SLC35F1: variants seen among roughly 807,000 people sequenced by gnomAD.
SLC35F1 encodes solute carrier family 35 member F1, also known as chromosome 6 open reading frame 169.
A neutral mutation model predicts 48.7 loss-of-function variants in SLC35F1; 14 were observed. The observed-to-expected ratio is 0.29, with a 90% CI of 0.19 to 0.45. SLC35F1 has a LOEUF of 0.45. Among genes scored for constraint, SLC35F1 ranks in the 20% least tolerant of loss-of-function variants. SLC35F1 has a pLI of 1.00. For missense variants in SLC35F1, 404 were observed against 500.0 expected (o/e 0.81, Z 1.83); for synonymous variants, 190 against 202.2 (o/e 0.94, Z 0.51).
At chr6:118,013,297 G>T (rs990097886) in intron 1 of SLC35F1, among the ~76,000 whole-genome samples, 2 of 152,172 alleles carry the variant, frequency 1.3e-5, no homozygotes, top group Non-Finnish European at 2.9e-5. Flanking sequence ...GACATTCTTG[G>T]TTGGGGAGGG....
At chr6:118,312,298 C>T (rs1468637069) in intron 7 of SLC35F1, among the ~76,000 whole-genome samples, 1 of 152,086 alleles carries the variant, frequency 6.6e-6, no homozygotes, top group South Asian at 2.1e-4. Flanking sequence ...ATTTCATTCA[C>T]CGAAGTTTAA....
chr6:118,069,038 G>T (rs1425366510), intron 1 of SLC35F1, among the ~76,000 whole-genome samples: 1 of 152,130 alleles, frequency 6.6e-6, no homozygotes, highest in Admixed American at 6.5e-5. Flanking sequence ...GAAATTTTTT[G>T]ACTCCCTGTG....
At position 117,987,817 on chromosome 6, in the gene SLC35F1, C is replaced by T. The variant is rs142514579; in HGVS notation, c.173+79918C>T. ...TATATGCCTGGCAATTTTTCTAAAA[C>T]ACATTATTTTATGTGTTTTTTAAAT... On this transcript the variant is annotated intron_variant, in intron 1 of 7. Coordinates refer to ENST00000360388, the MANE Select transcript of SLC35F1 (RefSeq NM_001029858.4). 8.0e-4 allele frequency among the ~76,000 whole-genome samples: 122 copies of T among 152,282 alleles called. No individual in the cohort carries two copies. The Middle Eastern group carries it at 0.01, about 13-fold the overall frequency.
chr6:118,287,698 C>T (rs898495208), intron 7 of SLC35F1, among the ~76,000 whole-genome samples: 1 of 152,168 alleles, frequency 6.6e-6, no homozygotes, highest in Non-Finnish European at 1.5e-5. Context: ...TGTACTCGAA[C>T]AGTGCCTGTT....
At chr6:118,115,692 C>T (rs1296840782) in intron 1 of SLC35F1, among the ~76,000 whole-genome samples, 1 of 152,148 alleles carries the variant, frequency 6.6e-6, no homozygotes, top group Non-Finnish European at 1.5e-5. Context: ...GCATTTTACC[C>T]AGGTGCCACA....
intron 1 of SLC35F1, among the ~76,000 whole-genome samples, chr6:118,000,003 C>T (rs1203302695): frequency 2.4e-4 from 37 of 151,148 alleles, no homozygotes; most frequent in African/African-American, 7.8e-4. Context: ...GATTCACAGC[C>T]GAATTCTACC....
chr6:118,040,184 T>A (rs997177373), intron 1 of SLC35F1, among the ~76,000 whole-genome samples: 1 of 152,180 alleles, frequency 6.6e-6, no homozygotes, highest in East Asian at 1.9e-4. Context: ...CAGAGACTCC[T>A]TTTCCTGTGC....
At chr6:118,185,257 A>G (rs1774639799) in intron 2 of SLC35F1, among the ~76,000 whole-genome samples, 1 of 151,954 alleles carries the variant, frequency 6.6e-6, no homozygotes, top group South Asian at 2.1e-4. Flanking sequence ...GTTATCCAGA[A>G]CTCTGCATTT....
At chr6:117,939,179 G>A (rs1323100) in intron 1 of SLC35F1, among the ~76,000 whole-genome samples, 115,102 of 151,776 alleles carry the variant, frequency 0.76, 43,900 homozygotes, top group South Asian at 0.89. Flanking sequence ...TTTAAAATTT[G>A]TTGGTATTAT....
chr6:118,216,729 C>T (rs1775078567), intron 2 of SLC35F1, among the ~76,000 whole-genome samples: 1 of 152,140 alleles, frequency 6.6e-6, no homozygotes, highest in South Asian at 2.1e-4. Flanking sequence ...CATAAAGTAG[C>T]ACTTTACTAT....
At chr6:118,072,808 A>G (rs763074499) in intron 1 of SLC35F1, among the ~76,000 whole-genome samples, 1 of 152,178 alleles carries the variant, frequency 6.6e-6, no homozygotes, top group Non-Finnish European at 1.5e-5. Context: ...TGATTCATTG[A>G]AAACACAGAA....
intron 1 of SLC35F1, among the ~76,000 whole-genome samples, chr6:117,960,733 C>G (rs1165662212): frequency 1.3e-5 from 2 of 152,038 alleles, no homozygotes; most frequent in Admixed American, 6.5e-5. Context: ...AGAGAAAGAA[C>G]AATTAATAGT....
chr6:118,142,379 A>T (rs759167539), intron 1 of SLC35F1, among the ~76,000 whole-genome samples: 1 of 152,216 alleles, frequency 6.6e-6, no homozygotes, highest in African/African-American at 2.4e-5. Flanking sequence ...GTCTTTAAAC[A>T]TTCTCCTTAG....
intron 1 of SLC35F1, among the ~76,000 whole-genome samples, chr6:117,911,258 A>T (rs1775758298): frequency 6.6e-6 from 1 of 152,218 alleles, no homozygotes. Flanking sequence ...TGGCAAAAGG[A>T]TGCAAGAAAC....
At chr6:118,221,330 G>T (rs967185643) in intron 2 of SLC35F1, among the ~76,000 whole-genome samples, 1 of 152,122 alleles carries the variant, frequency 6.6e-6, no homozygotes, top group Admixed American at 6.5e-5. Context: ...AGGCACCTCC[G>T]CAAAAACAGA....
chr6:118,271,283 T>G lies in SLC35F1; in HGVS notation c.637+4129T>G, dbSNP rs578101055. On this transcript the variant is annotated intron_variant, in intron 4 of 7. Transcript: ENST00000360388. ...AAGGGCACACCATCACCAAATTACG[T>G]GGCCCAGATATGAAATTTAGCCATT... is the stretch of plus-strand genomic sequence containing the variant. Among the ~76,000 whole-genome samples, 3 of 152,294 alleles carry G rather than the reference T, an allele frequency of 2.0e-5. No homozygotes were observed. In the South Asian group the frequency reaches 6.2e-4, roughly 32 times the overall value.
chr6:118,109,259 G>A (rs558365644), intron 1 of SLC35F1, among the ~76,000 whole-genome samples: 2 of 152,334 alleles, frequency 1.3e-5, no homozygotes, highest in African/African-American at 4.8e-5. Context: ...ATAGAAAAAT[G>A]TAGGTGTCTA....
chr6:118,249,258 C>G (rs1775543790), intron 3 of SLC35F1, among the ~76,000 whole-genome samples: 1 of 152,216 alleles, frequency 6.6e-6, no homozygotes, highest in Non-Finnish European at 1.5e-5. Flanking sequence ...ACTGTAAGAG[C>G]AGGTTCTCCT....
chr6:118,137,192 A>G (rs751307347), intron 1 of SLC35F1, among the ~76,000 whole-genome samples: 1 of 152,162 alleles, frequency 6.6e-6, no homozygotes, highest in Non-Finnish European at 1.5e-5. Context: ...CTCTTGAACT[A>G]TACTTGTCCC....
Sources: gnomAD v4.1 joint callset for allele counts (sites outside exome capture counted in the v4.1 genomes callset) on GRCh38, gnomAD v4.1.1 for gene constraint, MANE v1.5 for transcripts, NCBI Gene and HGNC (gene_info 2026-07-23, HGNC 2026-07-21) for gene names.